SPMIP2: variants seen among roughly 807,000 people sequenced by gnomAD.
The protein encoded by SPMIP2 is protein SPMIP2.
chr4:158,918,074 CTCTT>C, the SPMIP2 span, among the ~76,000 whole-genome samples: 2 of 152,188 alleles, frequency 1.3e-5, no homozygotes, highest in Non-Finnish European at 2.9e-5. Context: ...TCAGCAGTCT[CTCTT>C]TCTACAAATT....
At chr4:159,007,842 G>C in the SPMIP2 span, 1 of 550,046 alleles carries the variant, frequency 1.8e-6, no homozygotes, top group Non-Finnish European at 3.6e-6. Context: ...CTGAATCCAG[G>C]ACTAGAAGGA....
At chr4:159,040,144 A>ATG in the SPMIP2 span, among the ~76,000 whole-genome samples, 19,662 of 150,776 alleles carry the variant, frequency 0.13, 1,266 homozygotes, top group Non-Finnish European at 0.15. Flanking sequence ...GTACTTAAAT[A>ATG]TGTGTGTGTG....
the SPMIP2 span, among the ~76,000 whole-genome samples, chr4:159,019,064 T>C: frequency 5.3e-5 from 8 of 152,176 alleles, no homozygotes; most frequent in Non-Finnish European, 4.4e-5. Context: ...GACTCCAGCC[T>C]GGGCAAAAGG....
the SPMIP2 span, among the ~76,000 whole-genome samples, chr4:159,072,590 G>GCAGCT: frequency 6.6e-6 from 1 of 151,092 alleles, no homozygotes; most frequent in Admixed American, 6.6e-5. Context: ...AGCTCCCCGA[G>GCAGCT]CAGCTCAGAT....
At chr4:158,980,346 G>A in the SPMIP2 span, among the ~76,000 whole-genome samples, 171 of 151,966 alleles carry the variant, frequency 1.1e-3, 1 homozygote, top group African/African-American at 3.8e-3. Flanking sequence ...CACAGCATTC[G>A]AGCTCTGCTA....
the SPMIP2 span, among the ~76,000 whole-genome samples, chr4:158,970,552 C>A: frequency 1.6e-4 from 21 of 132,118 alleles, no homozygotes; most frequent in East Asian, 2.3e-4. Context: ...AAAAGAAAAA[C>A]AAAAAAAAAA....
At chr4:159,035,650 T>C in the SPMIP2 span, among the ~76,000 whole-genome samples, 1 of 152,368 alleles carries the variant, frequency 6.6e-6, no homozygotes, top group Non-Finnish European at 1.5e-5. Context: ...CAATCCCTCC[T>C]TAAATAGTGC....
the SPMIP2 span, among the ~76,000 whole-genome samples, chr4:159,005,100 G>A: frequency 6.7e-6 from 1 of 150,370 alleles, no homozygotes; most frequent in Non-Finnish European, 1.5e-5. Context: ...GCATGGTAGC[G>A]CAAGCCTGTA....
chr4:158,912,274 T>G, the SPMIP2 span, among the ~76,000 whole-genome samples: 1 of 152,228 alleles, frequency 6.6e-6, no homozygotes, highest in African/African-American at 2.4e-5. Flanking sequence ...CTGTTAAATC[T>G]CATAAATTGT....
the SPMIP2 span, among the ~76,000 whole-genome samples, chr4:158,986,203 T>C: frequency 6.6e-6 from 1 of 151,626 alleles, no homozygotes; most frequent in Non-Finnish European, 1.5e-5. Context: ...AAAATGGCCA[T>C]ACTGCCCAAG....
the SPMIP2 span, among the ~76,000 whole-genome samples, chr4:158,917,114 A>G: frequency 6.6e-6 from 1 of 152,158 alleles, no homozygotes; most frequent in Non-Finnish European, 1.5e-5. Context: ...GCCAGGTGTA[A>G]TGGCACACGC....
At chr4:159,001,672 G>A in the SPMIP2 span, among the ~76,000 whole-genome samples, 1 of 152,116 alleles carries the variant, frequency 6.6e-6, no homozygotes, top group Non-Finnish European at 1.5e-5. Context: ...CAAAAGACAG[G>A]ATCTCACTCT....
chr4:158,999,649 G>A, the SPMIP2 span, among the ~76,000 whole-genome samples: 63 of 152,262 alleles, frequency 4.1e-4, no homozygotes, highest in African/African-American at 1.4e-3. Context: ...GACACCCAGG[G>A]AACTGGCTGT....
At chr4:158,895,676 G>A in the SPMIP2 span, 2 of 928,664 alleles carry the variant, frequency 2.2e-6, no homozygotes, top group Non-Finnish European at 3.4e-6. Flanking sequence ...AATGAATTAA[G>A]AAAATTCTGA....
the SPMIP2 span, among the ~76,000 whole-genome samples, chr4:159,073,474 A>G: frequency 2.6e-5 from 4 of 152,168 alleles, no homozygotes; most frequent in Non-Finnish European, 4.4e-5. Context: ...ATTTTCTTCT[A>G]TTATTCTACC....
the SPMIP2 span, among the ~76,000 whole-genome samples, chr4:159,082,465 G>GTGTGTGTATGTGTGTGTGTGTGTGTGTA: frequency 4.3e-3 from 638 of 149,316 alleles, 9 homozygotes; most frequent in African/African-American, 0.015. Flanking sequence ...GTGTGTGTGT[G>GTGTGTGTATGTGTGTGTGTGTGTGTGTA]TGTGTGTGTG....
the SPMIP2 span, among the ~76,000 whole-genome samples, chr4:158,997,520 G>T: frequency 6.6e-6 from 1 of 152,180 alleles, no homozygotes; most frequent in South Asian, 2.1e-4. Context: ...ACCGGACCCA[G>T]CCAAGGATAT....
the SPMIP2 span, among the ~76,000 whole-genome samples, chr4:159,030,283 A>C: frequency 1.7e-4 from 26 of 152,038 alleles, 1 homozygote; most frequent in South Asian, 5.2e-3. Flanking sequence ...GTGATGGTAC[A>C]CACCTATAGT....
chr4:159,003,235 C>T, the SPMIP2 span, among the ~76,000 whole-genome samples: 1 of 152,080 alleles, frequency 6.6e-6, no homozygotes, highest in East Asian at 1.9e-4. Context: ...TATTGGGAGA[C>T]AGCATGATGT....
Sources: gnomAD v4.1 joint callset for allele counts (sites outside exome capture counted in the v4.1 genomes callset) on GRCh38, gnomAD v4.1.1 for gene constraint, MANE v1.5 for transcripts, NCBI Gene and HGNC (gene_info 2026-07-23, HGNC 2026-07-21) for gene names.